PKIB: variants seen among roughly 807,000 people sequenced by gnomAD.
The protein encoded by PKIB is PKI-beta.
PKIB carries 2 observed loss-of-function variants against 4.5 expected under a neutral mutation model. The observed-to-expected ratio is 0.44, with a 90% confidence interval of 0.18 to 1.39. The LOEUF (loss-of-function observed/expected upper bound fraction) is 1.39, where lower values mean the gene tolerates loss of function less well. PKIB is among the 40% of genes most tolerant of loss of function. The pLI is 0.27. For synonymous variants in PKIB, 38 were observed against 36.0 expected, an observed-to-expected ratio of 1.06 and a Z score of -0.20; for missense variants, 94 against 92.6, an observed-to-expected ratio of 1.02 and a Z score of -0.06.
At position 122,722,207 on chromosome 6, in the gene PKIB, C is replaced by G. The variant is rs1209571157; in HGVS notation, c.170-2921C>G. On this transcript the variant is annotated intron_variant, in intron 4 of 4. Coordinates refer to ENST00000368452, the MANE Select transcript of PKIB (RefSeq NM_181795.3). ...CATTAACATCACAATACAAAGTTGA[C>G]AGCAATCATAACCTCTTGAGCAGAT... Among the ~76,000 whole-genome samples the G allele has an allele frequency of 2.6e-5, 4 of 152,170 alleles. No homozygotes were observed. In the East Asian group the frequency reaches 5.8e-4, roughly 22 times the overall value.
upstream of PKIB, among the ~76,000 whole-genome samples, chr6:122,607,862 C>T (rs559370604): frequency 3.9e-5 from 6 of 152,266 alleles, no homozygotes; most frequent in East Asian, 7.7e-4. Context: ...GATCCACTTA[C>T]GTTTTTCCTC....
At chr6:122,614,392 T>C (rs552526812) in intron 1 of PKIB, among the ~76,000 whole-genome samples, 2 of 152,318 alleles carry the variant, frequency 1.3e-5, no homozygotes, top group East Asian at 1.9e-4. Flanking sequence ...ACAGACAATA[T>C]GAATGGAGCT....
At chr6:122,636,074 C>T (rs908822558) in intron 2 of PKIB, among the ~76,000 whole-genome samples, 1 of 152,022 alleles carries the variant, frequency 6.6e-6, no homozygotes, top group Non-Finnish European at 1.5e-5. Flanking sequence ...CTCACAACAA[C>T]CCTAGGAGAT....
At chr6:122,565,196 A>C (rs1479971363) in intron 2 of PKIB, among the ~76,000 whole-genome samples, 1 of 152,194 alleles carries the variant, frequency 6.6e-6, no homozygotes. Flanking sequence ...AATTGGAGTT[A>C]CTGTCATTTT....
chr6:122,537,436 T>C (rs1020455152), intron 2 of PKIB, among the ~76,000 whole-genome samples: 1 of 152,038 alleles, frequency 6.6e-6, no homozygotes, highest in African/African-American at 2.4e-5. Flanking sequence ...AACATTTTGG[T>C]TTTTTGTCCT....
intron 2 of PKIB, among the ~76,000 whole-genome samples, chr6:122,495,005 A>G (rs1179907661): frequency 6.6e-6 from 1 of 152,214 alleles, no homozygotes; most frequent in East Asian, 1.9e-4. Context: ...CTTGGTGTCA[A>G]CAGTTATAGC....
chr6:122,637,473 A>G (rs1322531380), intron 2 of PKIB, among the ~76,000 whole-genome samples: 1 of 152,098 alleles, frequency 6.6e-6, no homozygotes, highest in Non-Finnish European at 1.5e-5. Flanking sequence ...AATAAAGATG[A>G]AGGCCAGGTG....
At chr6:122,567,754 G>A (rs1365644939) in intron 2 of PKIB, among the ~76,000 whole-genome samples, 1 of 152,146 alleles carries the variant, frequency 6.6e-6, no homozygotes, top group African/African-American at 2.4e-5. Flanking sequence ...ATTTTCATAA[G>A]TGTAAAGTGA....
chr6:122,507,774 T>C (rs1230876356), intron 2 of PKIB, among the ~76,000 whole-genome samples: 1 of 151,968 alleles, frequency 6.6e-6, no homozygotes, highest in Non-Finnish European at 1.5e-5. Context: ...ACAAACCCTC[T>C]TTCCCGTGTA....
At chr6:122,516,201 C>T (rs986940097) in intron 2 of PKIB, among the ~76,000 whole-genome samples, 19 of 152,170 alleles carry the variant, frequency 1.2e-4, no homozygotes, top group Non-Finnish European at 4.4e-5. Flanking sequence ...ATCTGGCTTC[C>T]TGGAAGACTG....
At chr6:122,528,497 G>T (rs2114612635) in intron 2 of PKIB, among the ~76,000 whole-genome samples, 1 of 152,300 alleles carries the variant, frequency 6.6e-6, no homozygotes, top group South Asian at 2.1e-4. Flanking sequence ...GTTAGGGTCT[G>T]ATGAAGGCCC....
chr6:122,515,269 T>A (rs1331905996), intron 2 of PKIB, among the ~76,000 whole-genome samples: 1 of 152,220 alleles, frequency 6.6e-6, no homozygotes, highest in Non-Finnish European at 1.5e-5. Flanking sequence ...TGTTTTAAAA[T>A]TATCTTTCTT....
chr6:122,587,808 G>A (rs1773896691), intron 3 of PKIB, among the ~76,000 whole-genome samples: 1 of 152,098 alleles, frequency 6.6e-6, no homozygotes, highest in East Asian at 1.9e-4. Context: ...TGTGTCTTTT[G>A]GCTGCATAAA....
intron 2 of PKIB, among the ~76,000 whole-genome samples, chr6:122,581,603 T>G (rs926829509): frequency 6.6e-6 from 1 of 152,130 alleles, no homozygotes; most frequent in Non-Finnish European, 1.5e-5. Flanking sequence ...AGCATCAAGA[T>G]TAAAGGTTTA....
At chr6:122,685,042 A>T (rs2114983859) in intron 3 of PKIB, among the ~76,000 whole-genome samples, 1 of 152,284 alleles carries the variant, frequency 6.6e-6, no homozygotes, top group South Asian at 2.1e-4. Flanking sequence ...TCCAGCTGCT[A>T]AACTTCTCAG....
chr6:122,678,694 A>G (rs1217671966), intron 3 of PKIB, among the ~76,000 whole-genome samples: 3 of 152,168 alleles, frequency 2.0e-5, no homozygotes, highest in Non-Finnish European at 4.4e-5. Context: ...ACATCATGAG[A>G]AATGAGATAA....
upstream of PKIB, among the ~76,000 whole-genome samples, chr6:122,609,921 C>A (rs1377588748): frequency 6.6e-6 from 1 of 152,166 alleles, no homozygotes; most frequent in African/African-American, 2.4e-5. Context: ...CGTAGATAAG[C>A]CTGTGTACCT....
At chr6:122,650,778 C>T (rs748039930) in intron 2 of PKIB, among the ~76,000 whole-genome samples, 2 of 152,168 alleles carry the variant, frequency 1.3e-5, no homozygotes, top group Non-Finnish European at 2.9e-5. Context: ...GTCCTAAGGA[C>T]TCTCCTGGGG....
chr6:122,682,869 C>G (rs1053299745), intron 3 of PKIB, among the ~76,000 whole-genome samples: 3 of 152,166 alleles, frequency 2.0e-5, no homozygotes, highest in African/African-American at 7.2e-5. Flanking sequence ...GTAAACTTTA[C>G]CAAGCCCTGA....
Sources: gnomAD v4.1 joint callset for allele counts (sites outside exome capture counted in the v4.1 genomes callset) on GRCh38, gnomAD v4.1.1 for gene constraint, MANE v1.5 for transcripts, NCBI Gene and HGNC (gene_info 2026-07-23, HGNC 2026-07-21) for gene names.